HLCS: variants seen among roughly 807,000 people sequenced by gnomAD.
The protein encoded by HLCS is holocarboxylase synthetase.
Under a neutral mutation model 75.0 loss-of-function variants are expected in HLCS, and 53 were observed. The ratio of observed to expected loss-of-function variants is 0.71; its 90% CI spans 0.57 to 0.89. HLCS has a LOEUF of 0.89. HLCS is among the 40% of genes least tolerant of loss of function. The pLI, the probability that HLCS is intolerant of heterozygous loss-of-function variation, is 0.00. For synonymous variants in HLCS, 431 were observed against 428.6 expected (o/e 1.01, Z -0.07); for missense variants, 966 against 1,074.0 (o/e 0.90, Z 1.41).
Position 36,966,429 on chromosome 21 carries a change from G to A in HLCS, c.195+15C>T, listed in dbSNP as rs1156375424. 6.9e-6 allele frequency: 1 copy of A among 144,442 alleles called. No homozygotes were observed. The highest frequency in any genetic ancestry group is 9.0e-6 in the Non-Finnish European group (1 of 111,464). 8.9% of individuals were successfully genotyped at this position (144,442 alleles called of 1,614,324 possible). A position where few individuals can be genotyped will look rare whatever the true frequency, so the allele number is the denominator to read the frequency against. ...CTCGCGGGGCCCGGGTCGCCCGCCC[G>A]CCCGACCCGCCCACCTGGCTGTCGC... On this transcript the variant is annotated intron_variant, in intron 1 of 10. Coordinates refer to ENST00000674895, the MANE Select transcript of HLCS (RefSeq NM_001352514.2).
chr21:36,907,983 A>G (rs948042529), intron 5 of HLCS, among the ~76,000 whole-genome samples: 7 of 152,026 alleles, frequency 4.6e-5, no homozygotes, highest in Admixed American at 1.3e-4. Context: ...TTAAAAAACT[A>G]TTTTAAGCCC....
intron 1 of HLCS, among the ~76,000 whole-genome samples, chr21:36,981,397 T>C (rs2069118095): frequency 1.5e-5 from 1 of 66,468 alleles, no homozygotes; most frequent in Non-Finnish European, 3.2e-5. Flanking sequence ...TAACCTTCCT[T>C]TTTTTTTTTT....
At chr21:36,931,530 G>GC (rs1271645046) in intron 4 of HLCS, among the ~76,000 whole-genome samples, 6 of 151,900 alleles carry the variant, frequency 3.9e-5, no homozygotes, top group Non-Finnish European at 1.5e-5. Flanking sequence ...TGGGAGGATT[G>GC]CTTGAGCCTA....
chr21:36,802,174 A>G (rs762367), intron 6 of HLCS, among the ~76,000 whole-genome samples: 1,882 of 152,262 alleles, frequency 0.012, 32 homozygotes, highest in African/African-American at 0.042. Flanking sequence ...TCCTCCAAGC[A>G]GTGACTGAGG....
rs73901977 is a variant in HLCS at position 36,961,116 on chromosome 21, G to C, written c.330+920C>G. The stretch of plus-strand genomic sequence containing the variant: ...GAAAAGCCGGCTGGCGTGTTAATTT[G>C]GGATTTTCTCTCTTTGAAGCAGAAG... On this transcript the variant is annotated intron_variant, in intron 2 of 10. Coordinates refer to ENST00000674895, the MANE Select transcript of HLCS (RefSeq NM_001352514.2). 7.6e-3 allele frequency among the ~76,000 whole-genome samples: 1,159 copies of C among 152,272 alleles called. 15 individuals are homozygous for C. The highest frequency in any genetic ancestry group is 0.027 in the African/African-American group (1,105 of 41,550).
chr21:36,880,286 T>C (rs747024596), intron 6 of HLCS, among the ~76,000 whole-genome samples: 4 of 151,956 alleles, frequency 2.6e-5, no homozygotes, highest in Non-Finnish European at 2.9e-5. Context: ...TGCTCATATT[T>C]TGCAACAGAA....
At chr21:36,853,024 C>T (rs2063065944) in intron 6 of HLCS, among the ~76,000 whole-genome samples, 1 of 152,192 alleles carries the variant, frequency 6.6e-6, no homozygotes, top group Admixed American at 6.5e-5. Flanking sequence ...GCAAGTATAA[C>T]TTTTTGCCAT....
chr21:36,983,678 A>T (rs2069171084), intron 1 of HLCS, among the ~76,000 whole-genome samples: 1 of 151,714 alleles, frequency 6.6e-6, no homozygotes, highest in African/African-American at 2.4e-5. Flanking sequence ...TCTACTAAAA[A>T]TACAAAAAAT....
At chr21:36,824,920 A>C (rs1459994420) in intron 6 of HLCS, among the ~76,000 whole-genome samples, 1 of 152,230 alleles carries the variant, frequency 6.6e-6, no homozygotes, top group Non-Finnish European at 1.5e-5. Context: ...AATGATCTAC[A>C]GGCAGTCATT....
At chr21:36,916,170 C>A (rs544108211) in intron 5 of HLCS, among the ~76,000 whole-genome samples, 1 of 152,160 alleles carries the variant, frequency 6.6e-6, no homozygotes, top group African/African-American at 2.4e-5. Flanking sequence ...GTGACTAGAT[C>A]TAAGGTTCCA....
chr21:36,917,799 G>C (rs184535567), intron 5 of HLCS, among the ~76,000 whole-genome samples: 25 of 152,090 alleles, frequency 1.6e-4, no homozygotes, highest in Admixed American at 1.3e-4. Context: ...CTGAAAGCTC[G>C]GACCTTCCCT....
At chr21:36,812,518 A>G (rs1483451819) in intron 6 of HLCS, among the ~76,000 whole-genome samples, 1 of 152,184 alleles carries the variant, frequency 6.6e-6, no homozygotes, top group East Asian at 1.9e-4. Context: ...TTTGAAAATC[A>G]TTTTTATGAG....
At position 36,930,192 on chromosome 21, in the gene HLCS, C is replaced by T. The variant is rs906222307; in HGVS notation, c.1620+59G>A. 10 of 1,413,092 alleles carry T rather than the reference C, an allele frequency of 7.1e-6. 1 individual carries two copies. Among genetic ancestry groups the T allele is most frequent in the African/African-American group, 7.0e-5 (5 of 70,996 alleles). 87.5% of individuals were successfully genotyped at this position (1,413,092 alleles called of 1,614,324 possible). A position where few individuals can be genotyped will look rare whatever the true frequency, so the allele number is the denominator to read the frequency against. ...AAATAAAACAATTAAAGCAACGGGTCGCCACTGTGAAGAGGGCCACGTCAC... is the reference window on the plus strand; with the variant it reads ...AAATAAAACAATTAAAGCAACGGGTTGCCACTGTGAAGAGGGCCACGTCAC... On this transcript the variant is annotated intron_variant, in intron 5 of 10. Transcript: ENST00000674895.
At chr21:36,783,765 G>A (rs1366958462) in intron 6 of HLCS, among the ~76,000 whole-genome samples, 1 of 151,968 alleles carries the variant, frequency 6.6e-6, no homozygotes, top group African/African-American at 2.4e-5. Flanking sequence ...GCATAGCAAG[G>A]GCTGGTGTCT....
chr21:36,810,000 C>T (rs1470915812), intron 6 of HLCS, among the ~76,000 whole-genome samples: 2 of 152,242 alleles, frequency 1.3e-5, no homozygotes, highest in Non-Finnish European at 2.9e-5. Context: ...ACCCCAGCTT[C>T]CCAAAGTGTC....
intron 6 of HLCS, among the ~76,000 whole-genome samples, chr21:36,879,139 T>A (rs1319773085): frequency 0.17 from 4 of 24 alleles, no homozygotes; most frequent in Non-Finnish European, 0.25. Context: ...ATAATTGGAA[T>A]ATAACATAAT....
At chr21:36,754,505 G>C in intron 10 of HLCS, 88 bp from the exon 11 acceptor site, 1 of 1,376,756 alleles carries the variant, frequency 7.3e-7, no homozygotes, top group Non-Finnish European at 1.0e-6. Context: ...TGATGAGAGA[G>C]CTGGGCGTGC....
Position 36,750,093 on chromosome 21 carries a change from G to A in HLCS, c.*4153C>T, listed in dbSNP as rs2089320124. 1.3e-5 allele frequency among the ~76,000 whole-genome samples: 2 copies of A among 152,200 alleles called. No homozygotes were observed. Among genetic ancestry groups the A allele is most frequent in the African/African-American group, 2.4e-5 (1 of 41,444 alleles). On this transcript the variant is annotated 3_prime_UTR_variant, in exon 11 of 11. Transcript: ENST00000674895. ...GTGAAGTCAGCAGAGCTGTTACTGTGGCAACCTAATATTGTGACCTCCATC... is the reference window on the plus strand; with the variant it reads ...GTGAAGTCAGCAGAGCTGTTACTGTAGCAACCTAATATTGTGACCTCCATC...
chr21:36,786,710 C>A (rs560391538), intron 6 of HLCS, among the ~76,000 whole-genome samples: 8 of 152,322 alleles, frequency 5.3e-5, no homozygotes, highest in African/African-American at 1.9e-4. Flanking sequence ...TCTGAAATGA[C>A]AGAGTCAGTG....
Sources: gnomAD v4.1 joint callset for allele counts (sites outside exome capture counted in the v4.1 genomes callset) on GRCh38, gnomAD v4.1.1 for gene constraint, MANE v1.5 for transcripts, NCBI Gene and HGNC (gene_info 2026-07-23, HGNC 2026-07-21) for gene names.